Variants in PRPF4 observed in about 807,000 individuals in gnomAD.
The protein encoded by PRPF4 is U4/U6 small nuclear ribonucleoprotein Prp4.
Under a neutral mutation model 72.2 loss-of-function variants are expected in PRPF4, and 14 were observed. That is an observed-to-expected ratio of 0.19 (90% CI 0.13 to 0.30). The LOEUF (loss-of-function observed/expected upper bound fraction) is 0.30. PRPF4 is among the 10% of genes least tolerant of loss of function. The pLI is 1.00. For synonymous variants in PRPF4, 225 were observed against 232.2 expected (o/e 0.97, Z 0.28); for missense variants, 478 against 653.9 (o/e 0.73, Z 2.93).
rs1832333794 is a variant in PRPF4, at chr9:113,283,228, G to A, written c.560+17G>A. ...GTTGCCCAGGTAAAGAGAGCCTCCA[G>A]TAGAAGAAAGAAGCATATTTTTTGT... On this transcript the variant is annotated intron_variant, in intron 5 of 13. Coordinates refer to ENST00000374198, the MANE Select transcript of PRPF4 (RefSeq NM_001244926.2). 6.2e-7 allele frequency: 1 copy of A among 1,614,062 alleles called. No homozygotes were observed. Among genetic ancestry groups the A allele is most frequent in the Non-Finnish European group, 8.5e-7 (1 of 1,180,042 alleles).
At chr9:113,288,417 T>C (rs1449834844) in intron 10 of PRPF4, among the ~76,000 whole-genome samples, 153 bp downstream of exon 10, 1 of 150,950 alleles carries the variant, frequency 6.6e-6, no homozygotes, top group Non-Finnish European at 1.5e-5. Context: ...ATGTTTAATA[T>C]AGTGAGAGCT....
intron 9 of PRPF4, among the ~76,000 whole-genome samples, chr9:113,287,447 C>T (rs560408795): frequency 6.7e-6 from 1 of 150,300 alleles, no homozygotes; most frequent in Admixed American, 6.6e-5. Flanking sequence ...TTTCCAACTA[C>T]AACAGTTTTT....
In PRPF4 at chr9:113,291,115, CAGG is replaced by C. The variant is rs1276303109; in HGVS notation, c.1372+102_1372+104del. The stretch of plus-strand genomic sequence containing the variant: ...GCTTTAGCTTAACTGAGCAGTAAAA[CAGG>C]AGAGAAATTGACCTACTGGTAAAGG... On this transcript the variant is annotated intron_variant, in intron 13 of 13. Coordinates refer to ENST00000374198, the MANE Select transcript of PRPF4 (RefSeq NM_001244926.2). 2.4e-6 allele frequency: 3 copies of C among 1,235,530 alleles called. No individual in the cohort carries two copies. The African/African-American group carries it at 4.4e-5, about 18-fold the overall frequency. 76.5% of individuals were successfully genotyped at this position (1,235,530 alleles called of 1,614,324 possible).
intron 2 of PRPF4, among the ~76,000 whole-genome samples, chr9:113,278,162 A>G (rs961485212): frequency 3.9e-5 from 6 of 152,162 alleles, no homozygotes. Context: ...CCCATTTTTC[A>G]TTTATATACC....
chr9:113,277,385 T>TG (rs1311751051), intron 2 of PRPF4, among the ~76,000 whole-genome samples: 6 of 148,934 alleles, frequency 4.0e-5, no homozygotes, highest in African/African-American at 7.7e-5. Flanking sequence ...GTGAAATCTT[T>TG]TTGTGTGTGT....
chr9:113,281,889 T>C (rs1005480648), intron 3 of PRPF4, among the ~76,000 whole-genome samples: 2 of 152,208 alleles, frequency 1.3e-5, no homozygotes, highest in African/African-American at 4.8e-5. Flanking sequence ...TAATGGATTA[T>C]AGTTTGCCAG....
chr9:113,290,576 T>C lies in PRPF4; in HGVS notation c.1133T>C (p.Leu378Ser), dbSNP rs771606680. Residue 378 changes from leucine (L) to serine (S), a missense_variant, in exon 11 of 14, where the codon TTG becomes TCG. By Grantham distance (145) the Leu-to-Ser change is moderately radical. Transcript: ENST00000374198. ...YDIAFHQDGS[L>S]AGTGGLDAFG... ...ATTGCCTTCCATCAAGATGGCTCTT[T>C]GGCTGGCACTGGGTAAGGCTTCTCC... is the stretch of plus-strand genomic sequence containing the variant. 6.2e-7 allele frequency: 1 copy of C among 1,614,176 alleles called. No individual in the cohort carries two copies. The highest frequency in any genetic ancestry group is 8.5e-7 in the Non-Finnish European group (1 of 1,180,028).
Position 113,290,605 on chromosome 9 carries a change from G to A in PRPF4, c.1145+17G>A, listed in dbSNP as rs771492846. The A allele has an allele frequency of 1.2e-5, 20 of 1,614,010 alleles. No individual in the cohort carries two copies. The Admixed American group carries it at 2.7e-4, about 22-fold the overall frequency. On this transcript the variant is annotated intron_variant, in intron 11 of 13. Transcript: ENST00000374198. ...TGGCACTGGGTAAGGCTTCTCCCAT[G>A]TAGTCAGGGGCAGTTCAGTACTCTC...
chr9:113,290,877 A>G (rs775667383), intron 12 of PRPF4, 21 bp from the exon 13 acceptor site: 2 of 1,613,172 alleles, frequency 1.2e-6, no homozygotes, highest in Non-Finnish European at 1.7e-6. Context: ...TTCTAACTTC[A>G]ATACTGCATC....
intron 3 of PRPF4, among the ~76,000 whole-genome samples, chr9:113,279,609 G>A (rs559195891): frequency 6.6e-6 from 1 of 152,124 alleles, no homozygotes; most frequent in South Asian, 2.1e-4. Context: ...GGCTGGTCTT[G>A]AACTCCTAAC....
In PRPF4 at chr9:113,290,425, T is replaced by A. The variant is rs776937424; in HGVS notation, c.1023-41T>A. 3.7e-6 allele frequency: 6 copies of A among 1,613,398 alleles called. No homozygotes were observed. The South Asian group carries it at 6.6e-5, about 18-fold the overall frequency. On this transcript the variant is annotated intron_variant, in intron 10 of 13. Transcript: ENST00000374198. ...TACTTTATGTGTTGTAGAAACTGAATAAATATCAGCTGGTTGATTGTTAGT... is the reference window on the plus strand; with the variant it reads ...TACTTTATGTGTTGTAGAAACTGAAAAAATATCAGCTGGTTGATTGTTAGT...
At chr9:113,277,053 TC>T (rs1264430872) in intron 2 of PRPF4, among the ~76,000 whole-genome samples, 1 of 152,044 alleles carries the variant, frequency 6.6e-6, no homozygotes, top group Non-Finnish European at 1.5e-5. Context: ...GACCTTGTGA[TC>T]CGCCCGCCTC....
chr9:113,291,698 C>T lies in PRPF4; in HGVS notation c.*38C>T. On this transcript the variant is annotated 3_prime_UTR_variant, in exon 14 of 14. Transcript: ENST00000374198. Reference sequence around the variant, plus strand: ...AAAGGACTTGAACCTCAAGCTCTCTCTAAGGAGCTGTTTTCCTCAAACGAG... The same window carrying T: ...AAAGGACTTGAACCTCAAGCTCTCTTTAAGGAGCTGTTTTCCTCAAACGAG... 1 of 1,589,422 alleles carries T rather than the reference C, an allele frequency of 6.3e-7. No individual in the cohort carries two copies. The highest frequency in any genetic ancestry group is 8.6e-7 in the Non-Finnish European group (1 of 1,160,224).
intron 2 of PRPF4, among the ~76,000 whole-genome samples, 166 bp downstream of exon 2, chr9:113,276,891 T>A (rs553449455): frequency 6.6e-6 from 1 of 152,094 alleles, no homozygotes. Flanking sequence ...CTTGGCTCAC[T>A]GCAACCTCCG....
chr9:113,288,908 C>T (rs970343475), intron 10 of PRPF4, among the ~76,000 whole-genome samples: 1 of 152,182 alleles, frequency 6.6e-6, no homozygotes, highest in Admixed American at 6.6e-5. Context: ...TTATAATTTA[C>T]ATACAATGGA....
At chr9:113,285,527 C>G (rs955993813) in intron 7 of PRPF4, among the ~76,000 whole-genome samples, 6 of 150,486 alleles carry the variant, frequency 4.0e-5, no homozygotes, top group Non-Finnish European at 8.9e-5. Flanking sequence ...TACAGGCACC[C>G]GCCACCGCAC....
intron 7 of PRPF4, 23 bp downstream of exon 7, chr9:113,284,412 A>T: frequency 6.4e-7 from 1 of 1,565,654 alleles, no homozygotes. Context: ...TTACAATGAC[A>T]TTTTTTCCTA....
At chr9:113,276,354 T>C (rs1334810007) in intron 1 of PRPF4, among the ~76,000 whole-genome samples, 194 bp from the exon 2 acceptor site, 4 of 152,156 alleles carry the variant, frequency 2.6e-5, no homozygotes, top group African/African-American at 7.2e-5. Flanking sequence ...TCAACCAAAG[T>C]GAGGGACTGA....
chr9:113,282,670 C>G lies in PRPF4; in HGVS notation c.417C>G (p.Val139=), dbSNP rs139273131. 7.5e-5 allele frequency: 120 copies of G among 1,601,986 alleles called. No individual in the cohort carries two copies. In the African/African-American group the frequency reaches 1.6e-3, roughly 21 times the overall value. The change falls in exon 4 of 14, where the codon GTC becomes GTG. Residue 139 remains valine (V), a synonymous_variant. Coordinates refer to ENST00000374198, the MANE Select transcript of PRPF4 (RefSeq NM_001244926.2). ...RERLRNILSV[V]GTDALKKTKK... is the part of the protein sequence containing the mutation. ...GGTTAAGAAATATCCTCTCAGTTGT[C>G]GGTACTGATGCCTTGAAAAAGACCA... is the stretch of plus-strand genomic sequence containing the variant.
Sources: allele counts gnomAD v4.1 joint callset (sites outside exome capture counted in the v4.1 genomes callset), GRCh38; gene constraint gnomAD v4.1.1; transcripts MANE v1.5; gene names NCBI Gene and HGNC (gene_info 2026-07-23, HGNC 2026-07-21).